RHOT1: variants seen among roughly 807,000 people sequenced by gnomAD.
RHOT1 encodes the protein ras homolog family member T1.
In RHOT1, 27 loss-of-function variants were observed where a neutral mutation model predicts 95.3. The ratio of observed to expected loss-of-function variants is 0.28; its 90% CI spans 0.21 to 0.39. RHOT1 has a LOEUF of 0.39. Among genes scored for constraint, RHOT1 ranks in the 10% least tolerant of loss-of-function variants. The pLI is 1.00. For missense variants in RHOT1, 578 were observed against 786.7 expected, an observed-to-expected ratio of 0.73 and a Z score of 3.17; for synonymous variants, 227 against 263.5, an observed-to-expected ratio of 0.86 and a Z score of 1.34.
At position 32,224,985 on chromosome 17, in the gene RHOT1, T is replaced by G. The variant is rs867519770; in HGVS notation, c.*252T>G. On this transcript the variant is annotated 3_prime_UTR_variant, in exon 20 of 20. Coordinates refer to ENST00000545287, the MANE Select transcript of RHOT1 (RefSeq NM_001033566.3). ...CAAAAGGGAATATTTTGTAAATATA[T>G]GTACATATTCAGGCAAGATATGGTC... 1 of 274,916 alleles carries G rather than the reference T, an allele frequency of 3.6e-6. No homozygotes were observed. The highest frequency in any genetic ancestry group is 1.3e-3 in the Middle Eastern group (1 of 788). 17.0% of individuals were successfully genotyped at this position (274,916 alleles called of 1,614,324 possible).
chr17:32,165,452 G>T (rs529918659), intron 1 of RHOT1, among the ~76,000 whole-genome samples: 1 of 151,600 alleles, frequency 6.6e-6, no homozygotes, highest in Non-Finnish European at 1.5e-5. Context: ...GAACCTGGGA[G>T]GTGGAAGTTG....
chr17:32,176,148 A>C lies in RHOT1; in HGVS notation c.277-13A>C. 1 of 1,610,158 alleles carries C rather than the reference A, an allele frequency of 6.2e-7. No homozygotes were observed. Among genetic ancestry groups the C allele is most frequent in the Non-Finnish European group, 8.5e-7 (1 of 1,178,352 alleles). On this transcript the variant is annotated splice_polypyrimidine_tract_variant and intron_variant, in intron 5 of 19. Coordinates refer to ENST00000545287, the MANE Select transcript of RHOT1 (RefSeq NM_001033566.3). Reference sequence around the variant, plus strand: ...CCTTATCATGGCTAAGCGCTTGTTAATTTTCATTTTAGGTAACAAGTCGAT... The same window carrying C: ...CCTTATCATGGCTAAGCGCTTGTTACTTTTCATTTTAGGTAACAAGTCGAT...
At chr17:32,199,147 CCTCT>C (rs767384676) in intron 12 of RHOT1, 116 bp downstream of exon 12, 25 of 857,966 alleles carry the variant, frequency 2.9e-5, no homozygotes, top group East Asian at 7.7e-5. Flanking sequence ...AACTGCTTAA[CCTCT>C]CTAAGTTAAA....
At chr17:32,220,165 T>C (rs1394979379) in intron 19 of RHOT1, among the ~76,000 whole-genome samples, 1 of 151,514 alleles carries the variant, frequency 6.6e-6, no homozygotes, top group Non-Finnish European at 1.5e-5. Context: ...AGTTCAAGAC[T>C]GGCCTGTGCA....
intron 19 of RHOT1, among the ~76,000 whole-genome samples, chr17:32,217,599 A>G (rs2038554391): frequency 6.6e-6 from 1 of 151,876 alleles, no homozygotes; most frequent in South Asian, 2.1e-4. Flanking sequence ...TACTAAAAAT[A>G]CAAAAATTAG....
At chr17:32,205,794 C>A (rs1443732586) in intron 16 of RHOT1, among the ~76,000 whole-genome samples, 1 of 152,192 alleles carries the variant, frequency 6.6e-6, no homozygotes, top group Non-Finnish European at 1.5e-5. Context: ...GATCTGCCCA[C>A]CTCAGTCTCC....
chr17:32,166,187 C>CAAAAA (rs200254466), intron 1 of RHOT1, among the ~76,000 whole-genome samples: 2 of 106,574 alleles, frequency 1.9e-5, no homozygotes, highest in African/African-American at 6.8e-5. Flanking sequence ...GACTCTATCT[C>CAAAAA]AAAAAAAAAA....
At chr17:32,175,764 G>A (rs2034954257) in intron 4 of RHOT1, among the ~76,000 whole-genome samples, 198 bp from the exon 5 acceptor site, 1 of 152,128 alleles carries the variant, frequency 6.6e-6, no homozygotes, top group African/African-American at 2.4e-5. Context: ...TGTTATGGCT[G>A]TTACTGAGTA....
chr17:32,143,031 C>T (rs1327136673), intron 1 of RHOT1: 3 of 697,080 alleles, frequency 4.3e-6, no homozygotes, highest in East Asian at 2.8e-5. Flanking sequence ...CGACCTCATC[C>T]CTCCGAAGCT....
intron 5 of RHOT1, 68 bp downstream of exon 5, chr17:32,176,083 A>T: frequency 6.3e-7 from 1 of 1,578,172 alleles, no homozygotes. Context: ...TTCTCAGTTT[A>T]GAATTTTAGG....
At chr17:32,149,633 ATATGTGTG>A (rs1205667123) in intron 1 of RHOT1, among the ~76,000 whole-genome samples, 1 of 81,286 alleles carries the variant, frequency 1.2e-5, no homozygotes, top group East Asian at 3.6e-4. Context: ...ATATATATAT[ATATGTGTG>A]TGTGTGTGTG....
At chr17:32,221,110 G>C (rs1231349319) in intron 19 of RHOT1, 32 of 936,586 alleles carry the variant, frequency 3.4e-5, no homozygotes, top group Non-Finnish European at 3.9e-5. Context: ...GCTCACGCCT[G>C]TAATCTCAGC....
Position 32,171,189 on chromosome 17 carries a change from G to A in RHOT1, c.96+88G>A. On this transcript the variant is annotated intron_variant, in intron 2 of 19. Coordinates refer to ENST00000545287, the MANE Select transcript of RHOT1 (RefSeq NM_001033566.3). ...CTGAATTCTGTCTCTTTTGGCATGT[G>A]TTATGTGCTTCCTTTTGGACAGTTG... 9 of 885,956 alleles carry A rather than the reference G, an allele frequency of 1.0e-5. No homozygotes were observed. The South Asian group carries it at 1.3e-4, about 13-fold the overall frequency. 54.9% of individuals were successfully genotyped at this position (885,956 alleles called of 1,614,324 possible).
intron 1 of RHOT1, among the ~76,000 whole-genome samples, chr17:32,144,100 T>C (rs979766162): frequency 3.3e-5 from 5 of 152,370 alleles, no homozygotes; most frequent in African/African-American, 1.2e-4. Flanking sequence ...GAAGGTGTTA[T>C]TTAACATATA....
At chr17:32,150,866 C>T (rs2032191831) in intron 1 of RHOT1, 13 of 1,531,424 alleles carry the variant, frequency 8.5e-6, no homozygotes, top group Admixed American at 3.7e-5. Flanking sequence ...TCTGAAACCA[C>T]GGGAGAAAAA....
Position 32,142,561 on chromosome 17 carries a change from C to A in RHOT1, c.-132C>A, listed in dbSNP as rs1282731772. On this transcript the variant is annotated 5_prime_UTR_variant, in exon 1 of 20. Transcript: ENST00000545287. ...CTGTCCCGGCTCTCTTGCGGGGAAGCAACTGAGGGGGCGGCGCGGCGGGCC... is the reference window on the plus strand; with the variant it reads ...CTGTCCCGGCTCTCTTGCGGGGAAGAAACTGAGGGGGCGGCGCGGCGGGCC... 9 of 685,462 alleles carry A rather than the reference C, an allele frequency of 1.3e-5. No individual in the cohort carries two copies. In the African/African-American group the frequency reaches 1.7e-4, roughly 13 times the overall value. The allele number at this position is 685,462 out of a possible 1,614,324, so 42.5% of individuals were successfully genotyped here.
At chr17:32,187,197 G>A (rs2036128033) in intron 8 of RHOT1, among the ~76,000 whole-genome samples, 1 of 152,110 alleles carries the variant, frequency 6.6e-6, no homozygotes, top group Non-Finnish European at 1.5e-5. Flanking sequence ...TGAGGCACGA[G>A]AATCATTTGA....
At chr17:32,209,751 A>G in intron 18 of RHOT1, 1 of 185,888 alleles carries the variant, frequency 5.4e-6, no homozygotes, top group Non-Finnish European at 1.1e-5. Flanking sequence ...ACTTGTTTAT[A>G]TGGTTAATCC....
At chr17:32,148,032 G>T (rs2142351509) in intron 1 of RHOT1, among the ~76,000 whole-genome samples, 1 of 152,284 alleles carries the variant, frequency 6.6e-6, no homozygotes, top group East Asian at 1.9e-4. Flanking sequence ...TTGGGAGGCT[G>T]AGGCGGGCGG....
Sources: gnomAD v4.1 joint callset for allele counts (sites outside exome capture counted in the v4.1 genomes callset) on GRCh38, gnomAD v4.1.1 for gene constraint, MANE v1.5 for transcripts, NCBI Gene and HGNC (gene_info 2026-07-23, HGNC 2026-07-21) for gene names.